Variants in NXPH4 observed in about 807,000 individuals in gnomAD.
The protein encoded by NXPH4 is neurexophilin-4.
NXPH4 carries 8 observed loss-of-function variants against 21.3 expected under a neutral mutation model. The ratio of observed to expected loss-of-function variants is 0.38; its 90% CI spans 0.22 to 0.68. NXPH4 has a LOEUF of 0.68. NXPH4 is among the 30% of genes least tolerant of loss of function. The probability of loss-of-function intolerance (pLI) is 0.53; values close to 1 mark genes in which losing one functional copy is unlikely to be tolerated. For missense variants in NXPH4, 418 were observed against 416.8 expected (o/e 1.00, Z -0.03); for synonymous variants, 219 against 192.6 (o/e 1.14, Z -1.13).
chr12:57,217,652 G>A (rs921184550), intron 1 of NXPH4, among the ~76,000 whole-genome samples: 13 of 152,300 alleles, frequency 8.5e-5, no homozygotes, highest in Non-Finnish European at 1.0e-4. Context: ...CTGTCTGGAA[G>A]GGGAGTCTCT....
Position 57,216,896 on chromosome 12 carries a change from A to C in NXPH4, c.-74A>C. ...CGCAGCCGCCCCGCCGCCCGCCCGG[A>C]GCCCCGCGTCCCTAGGCCTGGCTCC... On this transcript the variant is annotated 5_prime_UTR_variant, in exon 1 of 2. Transcript: ENST00000349394. The surrounding 1 kb of genome is among the most constrained non-coding windows in gnomAD (Gnocchi z 5.3). 2.9e-6 allele frequency: 3 copies of C among 1,019,294 alleles called. No homozygotes were observed. The highest frequency in any genetic ancestry group is 3.8e-6 in the Non-Finnish European group (3 of 798,866). 63.1% of individuals were successfully genotyped at this position (1,019,294 alleles called of 1,614,324 possible).
chr12:57,218,549 C>A (rs1398293488), intron 1 of NXPH4, among the ~76,000 whole-genome samples: 1 of 152,248 alleles, frequency 6.6e-6, no homozygotes, highest in Non-Finnish European at 1.5e-5. Context: ...GGCAAATAAA[C>A]TCCCCTGTGG....
chr12:57,224,115 C>T (rs2037118860), intron 1 of NXPH4, among the ~76,000 whole-genome samples: 1 of 151,916 alleles, frequency 6.6e-6, no homozygotes, highest in South Asian at 2.1e-4. Flanking sequence ...CTTTTCCTTT[C>T]CTTTTTTCTT....
rs2037042658 is a variant in NXPH4 at position 57,216,854 on chromosome 12, GCCGC to G, written c.-115_-112del. 4.0e-6 allele frequency: 2 copies of G among 504,900 alleles called. No individual in the cohort carries two copies. The highest frequency in any genetic ancestry group is 8.2e-5 in the South Asian group (1 of 12,164). 31.3% of individuals were successfully genotyped at this position (504,900 alleles called of 1,614,324 possible). A position where few individuals can be genotyped will look rare whatever the true frequency, so the allele number is the denominator to read the frequency against. The stretch of plus-strand genomic sequence containing the variant: ...CCGCGCCGCCGCTCCCGCCGCTCCC[GCCGC>G]TCCCGCCGCTCCCGCAGCCGCCCCG... On this transcript the variant is annotated 5_prime_UTR_variant, in exon 1 of 2. Transcript: ENST00000349394. The surrounding 1 kb of genome is among the most constrained non-coding windows in gnomAD (Gnocchi z 5.3).
chr12:57,222,278 G>A (rs7485577), intron 1 of NXPH4, among the ~76,000 whole-genome samples: 32,617 of 152,058 alleles, frequency 0.21, 4,188 homozygotes, highest in Admixed American at 0.31. Flanking sequence ...AAGCACAGAC[G>A]GCACTTTGTC....
chr12:57,218,421 G>C (rs891192520), intron 1 of NXPH4, among the ~76,000 whole-genome samples: 1 of 152,170 alleles, frequency 6.6e-6, no homozygotes, highest in African/African-American at 2.4e-5. Context: ...GGAGTGGGGG[G>C]GGTCTGTGCC....
chr12:57,221,323 C>T (rs1229640310), intron 1 of NXPH4: 1 of 455,960 alleles, frequency 2.2e-6, no homozygotes, highest in East Asian at 6.9e-5. Flanking sequence ...CCTGGACTGT[C>T]CCTTCCTCCG....
At chr12:57,219,209 C>T (rs981495830) in intron 1 of NXPH4, among the ~76,000 whole-genome samples, 4 of 152,144 alleles carry the variant, frequency 2.6e-5, no homozygotes, top group African/African-American at 4.8e-5. Flanking sequence ...CTGCCTCTCC[C>T]GTCCTGCTTG....
At position 57,221,242 on chromosome 12, in the gene NXPH4, A is replaced by G. The variant is rs556940433; in HGVS notation, c.58-3636A>G. ...TCCCAGCCAGACTCCACCGGCCCCT[A>G]TTGCAGCACCCCTGCCTCTTTCTAG... is the stretch of plus-strand genomic sequence containing the variant. On this transcript the variant is annotated intron_variant, in intron 1 of 1. Transcript: ENST00000349394. 12 of 428,900 alleles carry G rather than the reference A, an allele frequency of 2.8e-5. No individual in the cohort carries two copies. The East Asian group carries it at 8.8e-4, about 32-fold the overall frequency. 26.6% of individuals were successfully genotyped at this position (428,900 alleles called of 1,614,324 possible).
In NXPH4 at chr12:57,225,756, C is replaced by T. The variant is rs1463097812; in HGVS notation, c.*9C>T. 1 of 1,604,000 alleles carries T rather than the reference C, an allele frequency of 6.2e-7. No individual in the cohort carries two copies. Among genetic ancestry groups the T allele is most frequent in the South Asian group, 1.1e-5 (1 of 90,454 alleles). ...ACCCCTACTTCGGATAGCGCCCCTC[C>T]CCAGCCAGTCCTGAGCCTCCCGCCA... is the stretch of plus-strand genomic sequence containing the variant. On this transcript the variant is annotated 3_prime_UTR_variant, in exon 2 of 2. Transcript: ENST00000349394.
chr12:57,222,532 A>T (rs1000858428), intron 1 of NXPH4, among the ~76,000 whole-genome samples: 8 of 152,066 alleles, frequency 5.3e-5, no homozygotes, highest in African/African-American at 1.9e-4. Context: ...GACCTGGATG[A>T]CTGGGCTTCT....
Position 57,225,473 on chromosome 12 carries a change from G to T in NXPH4, c.653G>T (p.Gly218Val). 1.2e-6 allele frequency: 2 copies of T among 1,600,974 alleles called. No individual in the cohort carries two copies. Among genetic ancestry groups the T allele is most frequent in the Non-Finnish European group, 1.7e-6 (2 of 1,175,318 alleles). The change falls in exon 2 of 2, where the codon GGC (glycine) becomes GTC (valine). Residue 218 changes from glycine (G) to valine (V), a missense_variant. By Grantham distance (109) the Gly-to-Val change is moderately radical. Transcript: ENST00000349394. ...LGGALAGPLGGALGVPGAKES... is the reference protein window; with the variant it reads ...LGGALAGPLGVALGVPGAKES... The stretch of plus-strand genomic sequence containing the variant: ...GGCGCACTGGCGGGGCCGCTTGGGG[G>T]CGCGTTGGGAGTGCCTGGGGCCAAA...
chr12:57,225,005 G>T lies in NXPH4; in HGVS notation c.185G>T (p.Gly62Val). The T allele has an allele frequency of 6.7e-7, 1 of 1,495,338 alleles. No individual in the cohort carries two copies. Among genetic ancestry groups the T allele is most frequent in the Non-Finnish European group, 8.9e-7 (1 of 1,122,692 alleles). The allele number at this position is 1,495,338 out of a possible 1,614,324, so 92.6% of individuals were successfully genotyped here. ...AGGTCTTCGGACGGCCTAGGCGTGG[G>T]CCGCGCCTGGAGCTGGGCCTGGCCG... is the stretch of plus-strand genomic sequence containing the variant. ...EPRSSDGLGV[G>V]RAWSWAWPTN... Residue 62 changes from glycine (G) to valine (V), a missense_variant, in exon 2 of 2, where the codon GGC becomes GTC. Gly to Val is a moderately radical substitution (Grantham distance 109). Transcript: ENST00000349394.
In NXPH4 at chr12:57,225,732, C is replaced by G. The variant is rs755349277; in HGVS notation, c.912C>G (p.His304Gln). 2 of 1,610,386 alleles carry G rather than the reference C, an allele frequency of 1.2e-6. No homozygotes were observed. Among genetic ancestry groups the G allele is most frequent in the African/African-American group, 2.7e-5 (2 of 74,846 alleles). The part of the protein sequence containing the change: ...VCPDYNFQSE[H>Q]PYFG ...CAGACTATAACTTCCAGAGTGAGCA[C>G]CCCTACTTCGGATAGCGCCCCTCCC... The change falls in exon 2 of 2, where the codon CAC (histidine) becomes CAG (glutamine). Residue 304 changes from histidine (H) to glutamine (Q), a missense_variant. His to Gln is a conservative substitution (Grantham distance 24). Coordinates refer to ENST00000349394, the MANE Select transcript of NXPH4 (RefSeq NM_007224.4).
At position 57,220,455 on chromosome 12, in the gene NXPH4, GAAATAAAATAAAATA is replaced by G. The variant is rs138224994; in HGVS notation, c.57+3448_57+3462del. Among the ~76,000 whole-genome samples, 123 of 151,298 alleles carry G rather than the reference GAAATAAAATAAAATA, an allele frequency of 8.1e-4. No homozygotes were observed. In the East Asian group the frequency reaches 0.017, roughly 20 times the overall value. On this transcript the variant is annotated intron_variant, in intron 1 of 1. Coordinates refer to ENST00000349394, the MANE Select transcript of NXPH4 (RefSeq NM_007224.4). Reference sequence around the variant, plus strand: ...GACCGCGCTGGCTCCAGGAAGCAGGGAAATAAAATAAAATAAAATAAAATAAAATAAAAATTCAGA... The same window carrying G: ...GACCGCGCTGGCTCCAGGAAGCAGGGAAATAAAATAAAATAAAAATTCAGA...
intron 1 of NXPH4, among the ~76,000 whole-genome samples, chr12:57,219,548 TTC>T (rs1182576574): frequency 2.0e-5 from 3 of 152,142 alleles, no homozygotes; most frequent in African/African-American, 7.2e-5. Flanking sequence ...TTAGGTCTGA[TTC>T]TCTTAGAGCT....
chr12:57,224,411 C>T (rs1205111619), intron 1 of NXPH4, among the ~76,000 whole-genome samples: 1 of 152,140 alleles, frequency 6.6e-6, no homozygotes, highest in Non-Finnish European at 1.5e-5. Flanking sequence ...CGTGAGTCAC[C>T]GCGTGTGCCG....
In NXPH4 at chr12:57,225,613, C is replaced by G; in HGVS notation, c.793C>G (p.Gln265Glu). 6.2e-7 allele frequency: 1 copy of G among 1,613,638 alleles called. No individual in the cohort carries two copies. Among genetic ancestry groups the G allele is most frequent in the East Asian group, 2.2e-5 (1 of 44,874 alleles). The change falls in exon 2 of 2, where the codon CAG becomes GAG. Residue 265 changes from glutamine (Q) to glutamate (E), a missense_variant. Gln to Glu is a conservative substitution (Grantham distance 29, BLOSUM62 2). Coordinates refer to ENST00000349394, the MANE Select transcript of NXPH4 (RefSeq NM_007224.4). ...GTGCTTCACCGAGCACACGCAGAGCCAGGCCGCCTGGCTCTGTGCCAAGCC... is the reference window on the plus strand; with the variant it reads ...GTGCTTCACCGAGCACACGCAGAGCGAGGCCGCCTGGCTCTGTGCCAAGCC... ...QVCFTEHTQS[Q>E]AAWLCAKPFK...
rs1328966374 is a variant in NXPH4 at position 57,225,033 on chromosome 12, C to T, written c.213C>T (p.Thr71=). Residue 71 remains threonine (T), a synonymous_variant, in exon 2 of 2, where the codon ACC becomes ACT. Coordinates refer to ENST00000349394, the MANE Select transcript of NXPH4 (RefSeq NM_007224.4). The part of the protein sequence containing the change: ...VGRAWSWAWP[T]NHTGALARAG... ...GCGCCTGGAGCTGGGCCTGGCCGACCAACCACACGGGGGCGCTGGCCCGGG... is the reference window on the plus strand; with the variant it reads ...GCGCCTGGAGCTGGGCCTGGCCGACTAACCACACGGGGGCGCTGGCCCGGG... 6.7e-7 allele frequency: 1 copy of T among 1,487,768 alleles called. No individual in the cohort carries two copies. Among genetic ancestry groups the T allele is most frequent in the South Asian group, 1.3e-5 (1 of 77,422 alleles). The allele number at this position is 1,487,768 out of a possible 1,614,324, so 92.2% of individuals were successfully genotyped here.
Sources: allele counts gnomAD v4.1 joint callset (sites outside exome capture counted in the v4.1 genomes callset), GRCh38; gene constraint gnomAD v4.1.1; non-coding constraint Gnocchi (gnomAD v3.1); transcripts MANE v1.5; gene names NCBI Gene and HGNC (gene_info 2026-07-23, HGNC 2026-07-21).